The following TAF3 variants were observed in gnomAD, a reference collection of about 807,000 sequenced individuals.
TAF3 encodes transcription initiation factor TFIID subunit 3.
Under a neutral mutation model 80.6 loss-of-function variants are expected in TAF3, and 7 were observed. That is an observed-to-expected ratio of 0.09 (90% CI 0.05 to 0.16). TAF3 has a LOEUF of 0.16. TAF3 is among the 10% of genes least tolerant of loss of function. The pLI is 1.00. For synonymous variants in TAF3, 444 were observed against 446.1 expected, an observed-to-expected ratio of 1.00 and a Z score of 0.06; for missense variants, 921 against 1,140.2, an observed-to-expected ratio of 0.81 and a Z score of 2.77.
chr10:7,942,813 T>C (rs1056846411), intron 2 of TAF3, among the ~76,000 whole-genome samples: 1 of 152,234 alleles, frequency 6.6e-6, no homozygotes, highest in Non-Finnish European at 1.5e-5. Flanking sequence ...TTTTTTTTTG[T>C]CGTTTTTGGG....
chr10:7,873,617 T>TGCCCCCCC, intron 2 of TAF3, among the ~76,000 whole-genome samples: 1 of 92,872 alleles, frequency 1.1e-5, no homozygotes, highest in African/African-American at 4.6e-5. Context: ...ATCCGAGTTC[T>TGCCCCCCC]CCCCCCCCCC....
At chr10:7,883,988 C>T (rs1318786778) in intron 2 of TAF3, among the ~76,000 whole-genome samples, 2 of 152,068 alleles carry the variant, frequency 1.3e-5, no homozygotes, top group African/African-American at 2.4e-5. Flanking sequence ...TTGCCCAGGA[C>T]CCTCGTCTTC....
chr10:7,875,081 T>C (rs1837302065), intron 2 of TAF3, among the ~76,000 whole-genome samples: 1 of 152,184 alleles, frequency 6.6e-6, no homozygotes, highest in Non-Finnish European at 1.5e-5. Context: ...TTATCTTAGC[T>C]GATAATTGAA....
At chr10:7,875,995 TTAAG>T (rs1208862162) in intron 2 of TAF3, among the ~76,000 whole-genome samples, 2 of 151,674 alleles carry the variant, frequency 1.3e-5, no homozygotes, top group Non-Finnish European at 2.9e-5. Flanking sequence ...ATTTTTCTCT[TTAAG>T]TTTTTTTATC....
intron 2 of TAF3, among the ~76,000 whole-genome samples, chr10:7,957,797 C>T (rs1268224450): frequency 1.1e-5 from 1 of 90,002 alleles, no homozygotes; most frequent in African/African-American, 3.8e-5. Flanking sequence ...CTAGCGCGCT[C>T]TCTCTCTCTC....
chr10:7,957,578 G>A lies in TAF3; in HGVS notation c.410-6342G>A, dbSNP rs41368447. Among the ~76,000 whole-genome samples, 634 of 152,082 alleles carry A rather than the reference G, an allele frequency of 4.2e-3. 3 individuals are homozygous for A. The highest frequency in any genetic ancestry group is 0.014 in the African/African-American group (593 of 41,466). ...GTCTTATTGATCAAGGAACTAATGC[G>A]CCAAGAAGATGAACTTGTGTGAAAA... On this transcript the variant is annotated intron_variant, in intron 2 of 6. Coordinates refer to ENST00000344293, the MANE Select transcript of TAF3 (RefSeq NM_031923.4).
At chr10:7,925,096 T>C (rs1171865768) in intron 2 of TAF3, among the ~76,000 whole-genome samples, 5 of 152,252 alleles carry the variant, frequency 3.3e-5, no homozygotes, top group African/African-American at 7.2e-5. Flanking sequence ...CACAGAGGTA[T>C]TAACTAATAC....
At chr10:7,993,703 A>G (rs999376295) in intron 4 of TAF3, among the ~76,000 whole-genome samples, 2 of 152,150 alleles carry the variant, frequency 1.3e-5, no homozygotes, top group African/African-American at 2.4e-5. Context: ...ACTTCAGATC[A>G]GTAGGCATGG....
chr10:7,842,527 T>C (rs1378285344), intron 2 of TAF3, among the ~76,000 whole-genome samples: 2 of 152,160 alleles, frequency 1.3e-5, no homozygotes, highest in Admixed American at 1.3e-4. Context: ...TCAGTTTTGT[T>C]CTAAAAGATT....
At chr10:7,946,225 T>G (rs1838022932) in intron 2 of TAF3, among the ~76,000 whole-genome samples, 2 of 152,220 alleles carry the variant, frequency 1.3e-5, no homozygotes, top group South Asian at 2.1e-4. Flanking sequence ...TGAAGCTCTC[T>G]TGACCTACCC....
chr10:7,888,343 G>A (rs1837428674), intron 2 of TAF3, among the ~76,000 whole-genome samples: 1 of 152,110 alleles, frequency 6.6e-6, no homozygotes, highest in East Asian at 1.9e-4. Context: ...GATTCATTGA[G>A]ACAGTGGAGA....
At chr10:7,907,598 G>A (rs1320813282) in intron 2 of TAF3, among the ~76,000 whole-genome samples, 1 of 152,188 alleles carries the variant, frequency 6.6e-6, no homozygotes, top group African/African-American at 2.4e-5. Flanking sequence ...ATAGCCAGAA[G>A]TTTGGGCAAT....
chr10:7,888,215 C>T (rs1240075914), intron 2 of TAF3, among the ~76,000 whole-genome samples: 1 of 152,170 alleles, frequency 6.6e-6, no homozygotes, highest in Admixed American at 6.5e-5. Context: ...TGTTTTACAA[C>T]CAAGCCTCCT....
chr10:8,012,632 T>C (rs558192928), intron 5 of TAF3, among the ~76,000 whole-genome samples: 1 of 152,340 alleles, frequency 6.6e-6, no homozygotes, highest in African/African-American at 2.4e-5. Flanking sequence ...TCACCCCTTG[T>C]TACTTTTTCT....
Position 7,827,779 on chromosome 10 carries a change from C to CAAA in TAF3, c.409+3234_409+3236dup, listed in dbSNP as rs71515491. 6.2e-3 allele frequency among the ~76,000 whole-genome samples: 591 copies of CAAA among 94,912 alleles called. 4 individuals carry two copies. The highest frequency in any genetic ancestry group is 0.021 in the South Asian group (65 of 3,094). The allele number at this position is 94,912 out of a possible 152,430, so 62.3% of individuals were successfully genotyped here. A position where few individuals can be genotyped will look rare whatever the true frequency, so the allele number is the denominator to read the frequency against. ...TGGGTGACGGAGCGAGACTCTGTCT[C>CAAA]AAAAAAAAAAAAAAAAACAAAAACA... On this transcript the variant is annotated intron_variant, in intron 2 of 6. Coordinates refer to ENST00000344293, the MANE Select transcript of TAF3 (RefSeq NM_031923.4).
At chr10:7,883,869 G>A (rs544055752) in intron 2 of TAF3, among the ~76,000 whole-genome samples, 1 of 152,356 alleles carries the variant, frequency 6.6e-6, no homozygotes, top group South Asian at 2.1e-4. Context: ...GTACAAGGTA[G>A]AGGGGCTACA....
chr10:7,849,920 G>A lies in TAF3; in HGVS notation c.409+25360G>A, dbSNP rs185273930. 2.0e-5 allele frequency among the ~76,000 whole-genome samples: 3 copies of A among 152,210 alleles called. No homozygotes were observed. The East Asian group carries it at 5.8e-4, about 29-fold the overall frequency. On this transcript the variant is annotated intron_variant, in intron 2 of 6. Coordinates refer to ENST00000344293, the MANE Select transcript of TAF3 (RefSeq NM_031923.4). ...GGTCTTGAAATCCTGAGCTCGGGCAGTCTACTCACCTTGGCCTCCCAAGGT... is the reference window on the plus strand; with the variant it reads ...GGTCTTGAAATCCTGAGCTCGGGCAATCTACTCACCTTGGCCTCCCAAGGT...
At chr10:7,848,185 C>T (rs1336973910) in intron 2 of TAF3, among the ~76,000 whole-genome samples, 2 of 152,214 alleles carry the variant, frequency 1.3e-5, no homozygotes, top group African/African-American at 4.8e-5. Context: ...CTGGTACTAG[C>T]TATTCTTCCT....
chr10:7,872,898 A>G (rs1025992817), intron 2 of TAF3, among the ~76,000 whole-genome samples: 1 of 152,216 alleles, frequency 6.6e-6, no homozygotes, highest in African/African-American at 2.4e-5. Flanking sequence ...GCCTTGGGAA[A>G]TATTTGGGGG....
Sources: gnomAD v4.1 joint callset for allele counts (sites outside exome capture counted in the v4.1 genomes callset) on GRCh38, gnomAD v4.1.1 for gene constraint, MANE v1.5 for transcripts, NCBI Gene and HGNC (gene_info 2026-07-23, HGNC 2026-07-21) for gene names.